Variants in RRAS2 observed in about 807,000 individuals in gnomAD.
The protein encoded by RRAS2 is RAS related 2.
In RRAS2, 7 loss-of-function variants were observed where a neutral mutation model predicts 27.6. That is an observed-to-expected ratio of 0.25 (90% CI 0.14 to 0.48). The LOEUF (loss-of-function observed/expected upper bound fraction) is 0.48, where lower values mean the gene tolerates loss of function less well. RRAS2 is among the 20% of genes least tolerant of loss of function. The pLI, the probability that RRAS2 is intolerant of heterozygous loss-of-function variation, is 0.99. For missense variants in RRAS2, 178 were observed against 256.2 expected (o/e 0.69, Z 2.08); for synonymous variants, 86 against 90.9 (o/e 0.95, Z 0.31).
At chr11:14,279,546 G>A (rs929037704) in intron 5 of RRAS2, 122 bp from the exon 6 acceptor site, 22 of 747,526 alleles carry the variant, frequency 2.9e-5, no homozygotes, top group East Asian at 1.1e-4. Flanking sequence ...AAACTTCAAC[G>A]AGGGAATTTC....
intron 4 of RRAS2, among the ~76,000 whole-genome samples, chr11:14,286,091 C>T (rs1849654809): frequency 6.6e-6 from 1 of 152,144 alleles, no homozygotes; most frequent in Admixed American, 6.6e-5. Context: ...TCTGTTTACA[C>T]CTTTCATGTC....
intron 1 of RRAS2, among the ~76,000 whole-genome samples, chr11:14,304,886 A>T (rs1429983785): frequency 2.0e-5 from 3 of 151,768 alleles, no homozygotes; most frequent in Admixed American, 1.3e-4. Context: ...ATCCTCCCTT[A>T]TTTTTTTTGT....
Position 14,281,588 on chromosome 11 carries a change from T to C in RRAS2, c.527+14A>G, listed in dbSNP as rs782015579. On this transcript the variant is annotated intron_variant, in intron 5 of 5. Transcript: ENST00000256196. ...AATTTATTAAAACACACATCTAGAA[T>C]GTGTTTTGCTTACCTGATAACCCGG... 7.0e-6 allele frequency: 11 copies of C among 1,570,060 alleles called. No homozygotes were observed. Among genetic ancestry groups the C allele is most frequent in the Non-Finnish European group, 9.5e-6 (11 of 1,156,864 alleles).
intron 1 of RRAS2, among the ~76,000 whole-genome samples, chr11:14,314,163 A>T (rs1848040534): frequency 2.0e-5 from 3 of 152,248 alleles, no homozygotes; most frequent in Admixed American, 2.0e-4. Context: ...AAATTGTTCA[A>T]ATAATGTCCA....
At chr11:14,333,018 AT>A (rs1554952125) in intron 1 of RRAS2, among the ~76,000 whole-genome samples, 1 of 152,172 alleles carries the variant, frequency 6.6e-6, no homozygotes, top group African/African-American at 2.4e-5. Context: ...ATAACTCAAC[AT>A]TTGGGTCAAT....
chr11:14,334,642 C>T (rs1198143068), intron 1 of RRAS2, among the ~76,000 whole-genome samples: 1 of 152,084 alleles, frequency 6.6e-6, no homozygotes, highest in East Asian at 1.9e-4. Flanking sequence ...TCTAAAAACT[C>T]TCCTGCATCC....
At chr11:14,295,695 A>T in intron 2 of RRAS2, 73 bp downstream of exon 2, 1 of 1,129,744 alleles carries the variant, frequency 8.9e-7, no homozygotes, top group South Asian at 1.5e-5. Context: ...ATTATTTAAC[A>T]TAGCAAAACA....
intron 5 of RRAS2, among the ~76,000 whole-genome samples, chr11:14,280,054 C>T (rs192779022): frequency 3.4e-4 from 51 of 152,200 alleles, no homozygotes; most frequent in African/African-American, 9.4e-4. Flanking sequence ...CATTTCAAAA[C>T]GGCAGTCATA....
At chr11:14,355,414 CATTTTTCAA>C (rs1210089310) in intron 1 of RRAS2, among the ~76,000 whole-genome samples, 7 of 152,122 alleles carry the variant, frequency 4.6e-5, no homozygotes, top group Non-Finnish European at 1.0e-4. Flanking sequence ...GAACTTTACA[CATTTTTCAA>C]AGAAATATGA....
At chr11:14,317,344 C>T (rs1554949671) in intron 1 of RRAS2, among the ~76,000 whole-genome samples, 2 of 152,202 alleles carry the variant, frequency 1.3e-5, no homozygotes, top group African/African-American at 4.8e-5. Flanking sequence ...CTTTGGGAGG[C>T]TGAGGCAGGT....
chr11:14,296,642 T>C (rs1163228151), intron 1 of RRAS2, among the ~76,000 whole-genome samples: 6 of 152,198 alleles, frequency 3.9e-5, no homozygotes, highest in African/African-American at 1.2e-4. Flanking sequence ...TTTCTCACAC[T>C]TTGTCTTATT....
At chr11:14,287,888 AAAG>A (rs1482338789) in intron 4 of RRAS2, among the ~76,000 whole-genome samples, 213 of 140,628 alleles carry the variant, frequency 1.5e-3, no homozygotes, top group South Asian at 0.011. Flanking sequence ...AAAAAAAAAA[AAAG>A]AAGAAGAAAA....
intron 1 of RRAS2, among the ~76,000 whole-genome samples, chr11:14,302,183 C>T (rs1554947528): frequency 6.6e-6 from 1 of 151,750 alleles, no homozygotes. Context: ...CACCCCTTAC[C>T]CCCACACTAC....
At chr11:14,323,385 G>C (rs1848271553) in intron 1 of RRAS2, among the ~76,000 whole-genome samples, 1 of 152,004 alleles carries the variant, frequency 6.6e-6, no homozygotes, top group African/African-American at 2.4e-5. Flanking sequence ...TTGAGCCTGG[G>C]AGGTGGATGG....
At chr11:14,345,143 T>C (rs1302041478) in intron 1 of RRAS2, among the ~76,000 whole-genome samples, 1 of 151,976 alleles carries the variant, frequency 6.6e-6, no homozygotes, top group Non-Finnish European at 1.5e-5. Context: ...CGTGTCACTA[T>C]GCCCAGCTAA....
At chr11:14,350,234 T>C (rs1485540373) in intron 1 of RRAS2, among the ~76,000 whole-genome samples, 1 of 152,190 alleles carries the variant, frequency 6.6e-6, no homozygotes, top group Admixed American at 6.5e-5. Context: ...CCAAATCTCA[T>C]ATTGAAATCT....
intron 1 of RRAS2, among the ~76,000 whole-genome samples, chr11:14,304,834 G>A (rs782084472): frequency 6.6e-6 from 1 of 152,120 alleles, no homozygotes; most frequent in Non-Finnish European, 1.5e-5. Context: ...TCACTTTTTA[G>A]CAGCAGCTGT....
chr11:14,351,660 G>A (rs1179705773), intron 1 of RRAS2, among the ~76,000 whole-genome samples: 1 of 151,900 alleles, frequency 6.6e-6, no homozygotes, highest in Non-Finnish European at 1.5e-5. Flanking sequence ...AGCCCGGGAG[G>A]TGGAGGTTGC....
rs1481779659 is a variant in RRAS2, at chr11:14,279,098, T to C, written c.*239A>G. On this transcript the variant is annotated 3_prime_UTR_variant, in exon 6 of 6. Coordinates refer to ENST00000256196, the MANE Select transcript of RRAS2 (RefSeq NM_012250.6). ...TAAAAAAAGAGCATGTCTGTGTATA[T>C]AGACATATATTTTAAAGGAATCAGA... The C allele has an allele frequency of 1.3e-5, 6 of 450,718 alleles. No individual in the cohort carries two copies. Among genetic ancestry groups the C allele is most frequent in the African/African-American group, 3.9e-5 (2 of 51,068 alleles). 27.9% of individuals were successfully genotyped at this position (450,718 alleles called of 1,614,324 possible).
Sources: allele counts gnomAD v4.1 joint callset (sites outside exome capture counted in the v4.1 genomes callset), GRCh38; gene constraint gnomAD v4.1.1; transcripts MANE v1.5; gene names NCBI Gene and HGNC (gene_info 2026-07-23, HGNC 2026-07-21).